The following NAP1L4 variants were observed in gnomAD, a reference collection of about 807,000 sequenced individuals.
The protein encoded by NAP1L4 is nucleosome assembly protein 1 like 4.
In NAP1L4, 15 loss-of-function variants were observed where a neutral mutation model predicts 58.2. That is an observed-to-expected ratio of 0.26 (90% CI 0.17 to 0.40). NAP1L4 has a LOEUF of 0.40. Ranked by LOEUF, NAP1L4 falls within the 10% of genes least tolerant of loss-of-function variation. The pLI is 1.00. For synonymous variants in NAP1L4, 171 were observed against 155.6 expected, an observed-to-expected ratio of 1.10 and a Z score of -0.74; for missense variants, 384 against 451.1, an observed-to-expected ratio of 0.85 and a Z score of 1.35.
chr11:2,958,331 G>A lies in NAP1L4; in HGVS notation c.892+68C>T, dbSNP rs150116888. ...GAGGACTAAAGTCTCTGGGTGTTAG[G>A]AATCTATCAGGTGACCAAAATTATT... is the stretch of plus-strand genomic sequence containing the variant. On this transcript the variant is annotated intron_variant, in intron 10 of 15. Transcript: ENST00000380542. 987 of 1,510,572 alleles carry A rather than the reference G, an allele frequency of 6.5e-4. 15 individuals are homozygous for A. In the African/African-American group the frequency reaches 0.012, roughly 18 times the overall value. The allele number at this position is 1,510,572 out of a possible 1,614,324, so 93.6% of individuals were successfully genotyped here.
chr11:2,964,038 G>C, intron 8 of NAP1L4: 1 of 414,664 alleles, frequency 2.4e-6, no homozygotes, highest in South Asian at 1.8e-5. Flanking sequence ...CATTACTAAT[G>C]CAATGATATG....
rs2133887963 is a variant in NAP1L4 at position 2,946,739 on chromosome 11, A to G, written c.*33-1093T>C. Reference sequence around the variant, plus strand: ...CTTGAACCCTGGTGTCTAAGCTCCCAATCTCAGCCACCCCAGAGGCTGCCC... The same window carrying G: ...CTTGAACCCTGGTGTCTAAGCTCCCGATCTCAGCCACCCCAGAGGCTGCCC... On this transcript the variant is annotated intron_variant, in intron 15 of 15. Coordinates refer to ENST00000380542, the MANE Select transcript of NAP1L4 (RefSeq NM_005969.4). This position sits in a 1 kb window ranked among gnomAD's most constrained non-coding sequence, Gnocchi z 4.8. 6.6e-6 allele frequency among the ~76,000 whole-genome samples: 1 copy of G among 152,366 alleles called. No individual in the cohort carries two copies. The highest frequency in any genetic ancestry group is 3.4e-3 in the Middle Eastern group (1 of 294).
At chr11:2,979,123 T>G in intron 2 of NAP1L4, 84 bp downstream of exon 2, 1 of 1,377,706 alleles carries the variant, frequency 7.3e-7, no homozygotes, top group South Asian at 1.2e-5. Flanking sequence ...TAACTTTGAT[T>G]CTAATTATTT....
At chr11:2,970,006 T>C in intron 6 of NAP1L4, 72 bp from the exon 7 acceptor site, 1 of 1,478,718 alleles carries the variant, frequency 6.8e-7, no homozygotes, top group Non-Finnish European at 9.1e-7. Flanking sequence ...ACGTAGAATA[T>C]CGTTGCCGAA....
At position 2,959,643 on chromosome 11, in the gene NAP1L4, CAGGCTTTT is replaced by C; in HGVS notation, c.746+119_746+126del. 6 of 1,106,712 alleles carry C rather than the reference CAGGCTTTT, an allele frequency of 5.4e-6. No homozygotes were observed. The highest frequency in any genetic ancestry group is 2.7e-5 in the Admixed American group (1 of 37,456). 68.6% of individuals were successfully genotyped at this position (1,106,712 alleles called of 1,614,324 possible). A position where few individuals can be genotyped will look rare whatever the true frequency, so the allele number is the denominator to read the frequency against. On this transcript the variant is annotated intron_variant, in intron 9 of 15. Coordinates refer to ENST00000380542, the MANE Select transcript of NAP1L4 (RefSeq NM_005969.4). This position sits in a 1 kb window ranked among gnomAD's most constrained non-coding sequence, Gnocchi z 4.9. ...AAAGACTATTGAAATATACATCTAC[CAGGCTTTT>C]AGGCTTTTAAGCAGACTCAAGACTG...
chr11:2,983,580 C>A (rs1397737538), intron 1 of NAP1L4, among the ~76,000 whole-genome samples: 1 of 132,666 alleles, frequency 7.5e-6, no homozygotes, highest in African/African-American at 3.2e-5. Context: ...TTAAACCCAA[C>A]ACGGTATTCT....
At chr11:2,957,989 A>C (rs1165897520) in intron 10 of NAP1L4, among the ~76,000 whole-genome samples, 1 of 152,196 alleles carries the variant, frequency 6.6e-6, no homozygotes, top group Non-Finnish European at 1.5e-5. Context: ...CGAGGCTGGG[A>C]GTGGTCCCCG....
rs541872103 is a variant in NAP1L4 at position 2,966,251 on chromosome 11, A to G, written c.535-1500T>C. Among the ~76,000 whole-genome samples, 14 of 152,326 alleles carry G rather than the reference A, an allele frequency of 9.2e-5. No homozygotes were observed. The South Asian group carries it at 2.7e-3, about 29-fold the overall frequency. The stretch of plus-strand genomic sequence containing the variant: ...TTTTGATGCACGTACACAATGTGTA[A>G]TAAATCAGGACCATCACCTCAAACA... On this transcript the variant is annotated intron_variant, in intron 7 of 15. Coordinates refer to ENST00000380542, the MANE Select transcript of NAP1L4 (RefSeq NM_005969.4).
chr11:2,945,247 G>C lies in NAP1L4; in HGVS notation c.*432C>G. 4.6e-6 allele frequency: 1 copy of C among 217,996 alleles called. No homozygotes were observed. The highest frequency in any genetic ancestry group is 9.0e-6 in the Non-Finnish European group (1 of 111,696). The allele number at this position is 217,996 out of a possible 1,614,324, so 13.5% of individuals were successfully genotyped here. On this transcript the variant is annotated 3_prime_UTR_variant, in exon 16 of 16. Transcript: ENST00000380542. ...TGCAGGAGGGGTGGGAGAGGTTCCAGATCCTGGGAACCACATCACCAGACC... is the reference window on the plus strand; with the variant it reads ...TGCAGGAGGGGTGGGAGAGGTTCCACATCCTGGGAACCACATCACCAGACC...
chr11:2,956,989 G>A (rs1488920099), intron 10 of NAP1L4, among the ~76,000 whole-genome samples: 1 of 151,600 alleles, frequency 6.6e-6, no homozygotes, highest in East Asian at 1.9e-4. Context: ...CCATTAAAAG[G>A]CATACACTCT....
At chr11:2,957,694 AC>A (rs1846625116) in intron 10 of NAP1L4, among the ~76,000 whole-genome samples, 1 of 152,224 alleles carries the variant, frequency 6.6e-6, no homozygotes, top group South Asian at 2.1e-4. Flanking sequence ...GTCAACCTTT[AC>A]TAGCTCAAAG....
At chr11:2,972,992 T>G (rs1847738016) in intron 4 of NAP1L4, among the ~76,000 whole-genome samples, 1 of 152,086 alleles carries the variant, frequency 6.6e-6, no homozygotes, top group African/African-American at 2.4e-5. Context: ...AAAAAAAAAT[T>G]TATCCTAATC....
intron 8 of NAP1L4, among the ~76,000 whole-genome samples, chr11:2,962,722 G>A (rs942350320): frequency 6.6e-6 from 1 of 151,926 alleles, no homozygotes; most frequent in Non-Finnish European, 1.5e-5. Flanking sequence ...TCTAGTCTAT[G>A]AGTCACAATG....
At chr11:2,990,907 A>C (rs1848923990) in intron 1 of NAP1L4, 1 of 340,124 alleles carries the variant, frequency 2.9e-6, no homozygotes. Context: ...AGAAAGACTT[A>C]CCTTTAAGGT....
At position 2,971,711 on chromosome 11, in the gene NAP1L4, C is replaced by T. The variant is rs1847647047; in HGVS notation, c.316-177G>A. Among the ~76,000 whole-genome samples, 1 of 152,068 alleles carries T rather than the reference C, an allele frequency of 6.6e-6. No homozygotes were observed. Among genetic ancestry groups the T allele is most frequent in the Non-Finnish European group, 1.5e-5 (1 of 68,018 alleles). On this transcript the variant is annotated intron_variant, in intron 5 of 15. Coordinates refer to ENST00000380542, the MANE Select transcript of NAP1L4 (RefSeq NM_005969.4). The surrounding 1 kb of genome is among the most constrained non-coding windows in gnomAD (Gnocchi z 4.2). The stretch of plus-strand genomic sequence containing the variant: ...AATATTAAATGATTCCCTGGGTAAA[C>T]CTGGATGTTTCACCTAAAGATGTAA...
At position 2,946,503 on chromosome 11, in the gene NAP1L4, T is replaced by C. The variant is rs527334213; in HGVS notation, c.*33-857A>G. Among the ~76,000 whole-genome samples, 45 of 152,328 alleles carry C rather than the reference T, an allele frequency of 3.0e-4. No individual in the cohort carries two copies. The Middle Eastern group carries it at 0.01, about 35-fold the overall frequency. ...AGTAACTTTACGAACCTGTAACCTA[T>C]GATTTCTGGCTAAGATTACAAATTG... is the stretch of plus-strand genomic sequence containing the variant. On this transcript the variant is annotated intron_variant, in intron 15 of 15. Transcript: ENST00000380542. The surrounding 1 kb of genome is among the most constrained non-coding windows in gnomAD (Gnocchi z 4.8).
chr11:2,953,093 A>C (rs1408023452), intron 12 of NAP1L4, among the ~76,000 whole-genome samples: 1 of 152,218 alleles, frequency 6.6e-6, no homozygotes, highest in African/African-American at 2.4e-5. Flanking sequence ...TGGAGCTACT[A>C]AAGGGAGAAT....
Position 2,954,742 on chromosome 11 carries a change from T to C in NAP1L4, c.916-96A>G. ...AAACCTCAGCCCCTCACTTTTGATT[T>C]ACTTAACTTAAAACACCAAACTCCT... is the stretch of plus-strand genomic sequence containing the variant. On this transcript the variant is annotated intron_variant, in intron 11 of 15. Coordinates refer to ENST00000380542, the MANE Select transcript of NAP1L4 (RefSeq NM_005969.4). This position sits in a 1 kb window ranked among gnomAD's most constrained non-coding sequence, Gnocchi z 4.8. 1 of 1,542,070 alleles carries C rather than the reference T, an allele frequency of 6.5e-7. No homozygotes were observed. Among genetic ancestry groups the C allele is most frequent in the Non-Finnish European group, 8.9e-7 (1 of 1,121,002 alleles).
chr11:2,988,323 A>G (rs1463106264), intron 1 of NAP1L4, among the ~76,000 whole-genome samples: 5 of 152,222 alleles, frequency 3.3e-5, no homozygotes, highest in African/African-American at 7.2e-5. Flanking sequence ...CATCTTGTCA[A>G]TAAGGCACTT....
Sources: allele counts gnomAD v4.1 joint callset (sites outside exome capture counted in the v4.1 genomes callset), GRCh38; gene constraint gnomAD v4.1.1; non-coding constraint Gnocchi (gnomAD v3.1); transcripts MANE v1.5; gene names NCBI Gene and HGNC (gene_info 2026-07-23, HGNC 2026-07-21).